The following SUGCT variants were observed in gnomAD, a reference collection of about 807,000 sequenced individuals.
SUGCT encodes the protein succinyl-CoA:glutarate CoA-transferase.
SUGCT carries 41 observed loss-of-function variants against 55.0 expected under a neutral mutation model. The ratio of observed to expected loss-of-function variants is 0.74; its 90% CI spans 0.58 to 0.97. The LOEUF is 0.97. SUGCT is among the 50% of genes least tolerant of loss of function. The pLI is 0.00. For synonymous variants in SUGCT, 187 were observed against 200.4 expected, an observed-to-expected ratio of 0.93 and a Z score of 0.56; for missense variants, 568 against 547.8, an observed-to-expected ratio of 1.04 and a Z score of -0.37.
At chr7:40,243,468 G>GT (rs1189201441) in intron 7 of SUGCT, among the ~76,000 whole-genome samples, 4 of 152,040 alleles carry the variant, frequency 2.6e-5, no homozygotes, top group African/African-American at 9.7e-5. Flanking sequence ...GGTATGTTAT[G>GT]TTGCAGATAA....
chr7:40,570,168 A>G (rs962716264), intron 12 of SUGCT, among the ~76,000 whole-genome samples: 1 of 152,256 alleles, frequency 6.6e-6, no homozygotes, highest in Non-Finnish European at 1.5e-5. Flanking sequence ...GACTTATTTT[A>G]AACATTTTTG....
chr7:41,026,153 G>A, the SUGCT span, among the ~76,000 whole-genome samples: 1 of 152,210 alleles, frequency 6.6e-6, no homozygotes, highest in Non-Finnish European at 1.5e-5. Context: ...TCATGGGCCT[G>A]CGACCTGCGT....
chr7:40,170,258 G>A (rs761739219), intron 1 of SUGCT, among the ~76,000 whole-genome samples: 4 of 152,066 alleles, frequency 2.6e-5, no homozygotes, highest in Non-Finnish European at 5.9e-5. Context: ...CAGTTACGGC[G>A]GCACTTCTCT....
chr7:40,332,188 C>G (rs1049730612), intron 9 of SUGCT, among the ~76,000 whole-genome samples: 1 of 152,142 alleles, frequency 6.6e-6, no homozygotes, highest in African/African-American at 2.4e-5. Context: ...AAAACAACTT[C>G]AAGGAAGTCT....
At chr7:40,309,352 T>C (rs1795018291) in intron 8 of SUGCT, among the ~76,000 whole-genome samples, 1 of 152,092 alleles carries the variant, frequency 6.6e-6, no homozygotes. Flanking sequence ...GCCCAGGCTA[T>C]AGTGCAATGG....
chr7:40,577,723 G>A (rs146288625), intron 12 of SUGCT, among the ~76,000 whole-genome samples: 6 of 152,100 alleles, frequency 3.9e-5, no homozygotes, highest in South Asian at 4.2e-4. Flanking sequence ...TTTCCCCTTC[G>A]CTTTCCAGTA....
intron 12 of SUGCT, among the ~76,000 whole-genome samples, chr7:40,689,011 G>A (rs10486813): frequency 6.6e-6 from 1 of 151,914 alleles, no homozygotes; most frequent in Non-Finnish European, 1.5e-5. Flanking sequence ...AATATGGTAG[G>A]TTTTACATTG....
At chr7:40,441,009 G>A (rs923943648) in intron 9 of SUGCT, among the ~76,000 whole-genome samples, 16 of 151,476 alleles carry the variant, frequency 1.1e-4, no homozygotes, top group Non-Finnish European at 1.6e-4. Context: ...TCCAGTGCCT[G>A]TCACTGTTTG....
chr7:40,592,375 G>A (rs1797774020), intron 12 of SUGCT, among the ~76,000 whole-genome samples: 1 of 152,174 alleles, frequency 6.6e-6, no homozygotes, highest in South Asian at 2.1e-4. Context: ...CATCCTTAGA[G>A]CACTGGTTGT....
chr7:40,496,198 C>T (rs1791962459), intron 11 of SUGCT, 86 bp from the exon 12 acceptor site: 1 of 781,578 alleles, frequency 1.3e-6, no homozygotes, highest in Non-Finnish European at 2.1e-6. Flanking sequence ...ATGACTATTG[C>T]TTGCTTTCAA....
At chr7:40,681,768 A>G (rs1244066250) in intron 12 of SUGCT, among the ~76,000 whole-genome samples, 1 of 152,196 alleles carries the variant, frequency 6.6e-6, no homozygotes, top group Non-Finnish European at 1.5e-5. Flanking sequence ...AGCTTTTCTC[A>G]TTTGTGGCTG....
intron 12 of SUGCT, among the ~76,000 whole-genome samples, chr7:40,549,458 G>C (rs1015316832): frequency 1.3e-5 from 2 of 151,950 alleles, no homozygotes; most frequent in Non-Finnish European, 2.9e-5. Context: ...TTGTCTAGGA[G>C]GAAACCAAAG....
At chr7:40,509,626 T>A (rs1434756209) in intron 12 of SUGCT, among the ~76,000 whole-genome samples, 2 of 152,188 alleles carry the variant, frequency 1.3e-5, no homozygotes, top group Admixed American at 6.6e-5. Context: ...TTCCCTTTCC[T>A]ATAAGCCAGA....
At chr7:40,360,883 G>A (rs948906298) in intron 9 of SUGCT, among the ~76,000 whole-genome samples, 1 of 152,154 alleles carries the variant, frequency 6.6e-6, no homozygotes. Flanking sequence ...AGCAAAGATT[G>A]TGGGCCAGGA....
intron 12 of SUGCT, among the ~76,000 whole-genome samples, chr7:40,706,394 C>T (rs1056740316): frequency 3.9e-5 from 6 of 152,124 alleles, no homozygotes; most frequent in Non-Finnish European, 8.8e-5. Flanking sequence ...GTAGTCCCAT[C>T]TACTCGGGTG....
intron 1 of SUGCT, among the ~76,000 whole-genome samples, chr7:40,173,001 A>G (rs563498130): frequency 6.6e-6 from 1 of 152,286 alleles, no homozygotes; most frequent in Non-Finnish European, 1.5e-5. Context: ...GAGGCCACCA[A>G]ATGTTACGGG....
chr7:40,472,113 T>C (rs1321991570), intron 11 of SUGCT, among the ~76,000 whole-genome samples: 3 of 152,138 alleles, frequency 2.0e-5, no homozygotes, highest in Non-Finnish European at 4.4e-5. Context: ...AAAGCAATTG[T>C]TCAATAGGCA....
rs555551051 is a variant in SUGCT, at chr7:40,786,902, A to T, written c.1153+37405A>T. 1.4e-4 allele frequency among the ~76,000 whole-genome samples: 22 copies of T among 152,324 alleles called. No individual in the cohort carries two copies. In the South Asian group the frequency reaches 4.6e-3, roughly 32 times the overall value. On this transcript the variant is annotated intron_variant, in intron 13 of 13. Transcript: ENST00000335693. The stretch of plus-strand genomic sequence containing the variant: ...TACTAATTAATATGAAATAGATCAG[A>T]TTCTAGTAACCAGTATGAATGTACC...
At chr7:40,192,341 A>G (rs1785965105) in intron 5 of SUGCT, among the ~76,000 whole-genome samples, 1 of 152,102 alleles carries the variant, frequency 6.6e-6, no homozygotes, top group African/African-American at 2.4e-5. Flanking sequence ...CCTATATGAA[A>G]CTTAGTATTA....
Sources: allele counts gnomAD v4.1 joint callset (sites outside exome capture counted in the v4.1 genomes callset), GRCh38; gene constraint gnomAD v4.1.1; transcripts MANE v1.5; gene names NCBI Gene and HGNC (gene_info 2026-07-23, HGNC 2026-07-21).